Variants in PSMD1 observed in about 807,000 individuals in gnomAD.
PSMD1 encodes the protein proteasome 26S subunit, non-ATPase 1, also known as 26S proteasome non-ATPase regulatory subunit 1.
A neutral mutation model predicts 119.0 loss-of-function variants in PSMD1; 18 were observed. That is an observed-to-expected ratio of 0.15 (90% CI 0.10 to 0.22). PSMD1 has a LOEUF of 0.22. PSMD1 is among the 10% of genes least tolerant of loss of function. PSMD1 has a pLI of 1.00. For synonymous variants in PSMD1, 374 were observed against 396.6 expected, an observed-to-expected ratio of 0.94 and a Z score of 0.68; for missense variants, 702 against 1,158.5, an observed-to-expected ratio of 0.61 and a Z score of 5.72.
chr2:231,137,594 T>G (rs1696005089), intron 16 of PSMD1, among the ~76,000 whole-genome samples: 1 of 152,132 alleles, frequency 6.6e-6, no homozygotes, highest in Non-Finnish European at 1.5e-5. Flanking sequence ...GCAGGTTTGT[T>G]ATGTGTGTAT....
intron 23 of PSMD1, among the ~76,000 whole-genome samples, chr2:231,168,362 C>T (rs867402177): frequency 2.6e-5 from 4 of 152,168 alleles, no homozygotes; most frequent in Non-Finnish European, 4.4e-5. Flanking sequence ...CACACTAACG[C>T]TCATATCAGC....
Position 231,075,585 on chromosome 2 carries a change from T to G in PSMD1, c.942+14T>G. The G allele has an allele frequency of 6.2e-7, 1 of 1,605,720 alleles. No individual in the cohort carries two copies. The highest frequency in any genetic ancestry group is 8.5e-7 in the Non-Finnish European group (1 of 1,176,474). Reference sequence around the variant, plus strand: ...ACACCAGAAGCCGTGAGTGTGCTTTTTTTTTTTCCTTTGAGACAGGGTCCT... The same window carrying G: ...ACACCAGAAGCCGTGAGTGTGCTTTGTTTTTTTCCTTTGAGACAGGGTCCT... On this transcript the variant is annotated intron_variant, in intron 8 of 24. Coordinates refer to ENST00000308696, the MANE Select transcript of PSMD1 (RefSeq NM_002807.4).
intron 16 of PSMD1, among the ~76,000 whole-genome samples, chr2:231,095,646 A>G (rs898298747): frequency 1.3e-5 from 2 of 152,214 alleles, no homozygotes; most frequent in Non-Finnish European, 2.9e-5. Flanking sequence ...ACCTTTCATT[A>G]TTGATAGCTG....
At chr2:231,087,317 A>AG in intron 16 of PSMD1, 136 bp downstream of exon 16, 1 of 664,736 alleles carries the variant, frequency 1.5e-6, no homozygotes, top group Non-Finnish European at 2.6e-6. Flanking sequence ...GTTCAGAGTG[A>AG]GGACCATTTA....
intron 7 of PSMD1, among the ~76,000 whole-genome samples, chr2:231,073,806 A>G (rs1015645265): frequency 3.3e-5 from 5 of 152,014 alleles, no homozygotes; most frequent in African/African-American, 7.2e-5. Context: ...TGTTGGTAGT[A>G]TATAGAAATA....
At chr2:231,061,574 T>C (rs942157656) in intron 2 of PSMD1, among the ~76,000 whole-genome samples, 7 of 152,148 alleles carry the variant, frequency 4.6e-5, no homozygotes, top group African/African-American at 1.4e-4. Context: ...TTAATCTTTT[T>C]TCTTTTTTGA....
chr2:231,106,059 C>G (rs912000692), intron 16 of PSMD1, among the ~76,000 whole-genome samples: 2 of 128,700 alleles, frequency 1.6e-5, no homozygotes, highest in Non-Finnish European at 3.3e-5. Flanking sequence ...TAGTTATAAT[C>G]TGTTCCTTTT....
chr2:231,113,061 G>C (rs1460244562), intron 16 of PSMD1, among the ~76,000 whole-genome samples: 1 of 152,118 alleles, frequency 6.6e-6, no homozygotes, highest in Non-Finnish European at 1.5e-5. Context: ...CTACCTGGGA[G>C]GCTGAGGTGG....
chr2:231,103,864 A>T (rs1694924128), intron 16 of PSMD1, among the ~76,000 whole-genome samples: 1 of 152,160 alleles, frequency 6.6e-6, no homozygotes. Context: ...TTAGCATATC[A>T]TGTAGCCAAG....
At chr2:231,153,374 C>G in intron 18 of PSMD1, 190 bp from the exon 19 acceptor site, 1 of 542,780 alleles carries the variant, frequency 1.8e-6, no homozygotes, top group Non-Finnish European at 3.2e-6. Context: ...TGCTCCCACA[C>G]TAAAAAGTCA....
In PSMD1 at chr2:231,109,183, T is replaced by C. The variant is rs572292403; in HGVS notation, c.1883+22002T>C. On this transcript the variant is annotated intron_variant, in intron 16 of 24. Transcript: ENST00000308696. ...GGAAAACTGTAGACACAGTCAACCA[T>C]GTTAGGCGTTGAGGTGGCTTGTTTT... 4 of 1,614,220 alleles carry C rather than the reference T, an allele frequency of 2.5e-6. No individual in the cohort carries two copies. In the South Asian group the frequency reaches 3.3e-5, roughly 13 times the overall value.
At chr2:231,127,023 A>G (rs1334855063) in intron 16 of PSMD1, among the ~76,000 whole-genome samples, 2 of 152,114 alleles carry the variant, frequency 1.3e-5, no homozygotes, top group Admixed American at 6.5e-5. Context: ...CTTTACACAC[A>G]TACACGCACA....
At chr2:231,071,822 G>A (rs1436153245) in intron 6 of PSMD1, among the ~76,000 whole-genome samples, 2 of 152,136 alleles carry the variant, frequency 1.3e-5, no homozygotes, top group Non-Finnish European at 2.9e-5. Context: ...AAATGAATGA[G>A]TAACTTCCAT....
intron 17 of PSMD1, among the ~76,000 whole-genome samples, chr2:231,140,894 T>C (rs1299389197): frequency 2.0e-5 from 3 of 151,544 alleles, no homozygotes; most frequent in African/African-American, 7.3e-5. Flanking sequence ...AAAGGCCAGG[T>C]GTGGTGGCTT....
intron 16 of PSMD1, among the ~76,000 whole-genome samples, chr2:231,090,884 G>T (rs1694572548): frequency 6.6e-6 from 1 of 152,234 alleles, no homozygotes; most frequent in African/African-American, 2.4e-5. Context: ...CTGAGGAGTT[G>T]TTTCTTGGGA....
At position 231,062,275 on chromosome 2, in the gene PSMD1, G is replaced by C; in HGVS notation, c.88G>C (p.Val30Leu). Residue 30 changes from valine to leucine, a missense_variant, in exon 3 of 25, where the codon GTT becomes CTT. Around this residue, in one of 9 missense-constraint regions of PSMD1, gnomAD observed 60 missense variants for 118.2 expected, o/e 0.51. Coordinates refer to ENST00000308696, the MANE Select transcript of PSMD1 (RefSeq NM_002807.4). ...ATTTGCACTACACAAATTGAATGCA[G>C]TTGTTAATGACTTCTGGGCAGAAAT... ...KEFALHKLNAVVNDFWAEISE... is the reference protein window; with the variant it reads ...KEFALHKLNALVNDFWAEISE... 1 of 1,613,230 alleles carries C rather than the reference G, an allele frequency of 6.2e-7. No individual in the cohort carries two copies. Among genetic ancestry groups the C allele is most frequent in the Non-Finnish European group, 8.5e-7 (1 of 1,179,370 alleles).
In PSMD1 at chr2:231,062,309, C is replaced by T; in HGVS notation, c.122C>T (p.Ser41Phe). The T allele has an allele frequency of 1.2e-6, 2 of 1,608,830 alleles. No individual in the cohort carries two copies. Among genetic ancestry groups the T allele is most frequent in the Non-Finnish European group, 1.7e-6 (2 of 1,175,576 alleles). ...VNDFWAEISE[S>F]VDKIEVLYED... Reference sequence around the variant, plus strand: ...GACTTCTGGGCAGAAATTTCCGAGTCCGTAGACAAAATGTAAGAAATTATT... The same window carrying T: ...GACTTCTGGGCAGAAATTTCCGAGTTCGTAGACAAAATGTAAGAAATTATT... The change falls in exon 3 of 25, where the codon TCC becomes TTC. Residue 41 changes from serine (S) to phenylalanine (F), a missense_variant. Ser to Phe is a radical substitution (Grantham distance 155). Around this residue, in one of 9 missense-constraint regions of PSMD1, gnomAD observed 60 missense variants for 118.2 expected, o/e 0.51. Coordinates refer to ENST00000308696, the MANE Select transcript of PSMD1 (RefSeq NM_002807.4).
chr2:231,121,004 C>T (rs923669552), intron 16 of PSMD1, among the ~76,000 whole-genome samples: 4 of 152,174 alleles, frequency 2.6e-5, no homozygotes, highest in African/African-American at 9.7e-5. Flanking sequence ...GTAATACATG[C>T]AGTTCCCAAT....
intron 19 of PSMD1, among the ~76,000 whole-genome samples, chr2:231,158,067 T>C (rs191893612): frequency 6.6e-6 from 1 of 151,974 alleles, no homozygotes; most frequent in African/African-American, 2.4e-5. Context: ...TCCCAGCATT[T>C]TGGGAGGCCG....
Sources: allele counts gnomAD v4.1 joint callset (sites outside exome capture counted in the v4.1 genomes callset), GRCh38; gene constraint gnomAD v4.1.1; regional missense constraint gnomAD v4.1.1; transcripts MANE v1.5; gene names NCBI Gene and HGNC (gene_info 2026-07-23, HGNC 2026-07-21).